The following ACSL5 variants were observed in gnomAD, a reference collection of about 807,000 sequenced individuals.
ACSL5 encodes the protein acyl-CoA synthetase long chain family member 5, also known as long-chain-fatty-acid--CoA ligase 5.
Under a neutral mutation model 84.9 loss-of-function variants are expected in ACSL5, and 50 were observed. The ratio of observed to expected loss-of-function variants is 0.59; its 90% CI spans 0.47 to 0.75. The LOEUF is 0.75. ACSL5 is among the 30% of genes least tolerant of loss of function. The pLI is 0.00. For synonymous variants in ACSL5, 280 were observed against 300.7 expected (o/e 0.93, Z 0.71); for missense variants, 775 against 830.4 (o/e 0.93, Z 0.82).
intron 14 of ACSL5, among the ~76,000 whole-genome samples, chr10:112,419,102 C>CTGTGTGTGTGTGTG (rs57261585): frequency 4.2e-4 from 62 of 146,518 alleles, no homozygotes; most frequent in Middle Eastern, 3.6e-3. Flanking sequence ...CACAATGTAT[C>CTGTGTGTGTGTGTG]TGTGTGTGTG....
At chr10:112,392,328 C>T (rs1396664537) in intron 1 of ACSL5, among the ~76,000 whole-genome samples, 1 of 135,958 alleles carries the variant, frequency 7.4e-6, no homozygotes, top group African/African-American at 2.5e-5. Flanking sequence ...AAGAATTGGC[C>T]AGGTACGGTG....
At chr10:112,391,711 G>T (rs529760688) in intron 1 of ACSL5, among the ~76,000 whole-genome samples, 1 of 152,150 alleles carries the variant, frequency 6.6e-6, no homozygotes, top group Non-Finnish European at 1.5e-5. Flanking sequence ...ATGTGTTCTT[G>T]TTTATCCCAT....
intron 13 of ACSL5, among the ~76,000 whole-genome samples, chr10:112,417,425 C>G (rs140462170): frequency 0.013 from 2,009 of 151,822 alleles, 54 homozygotes; most frequent in African/African-American, 0.046. Flanking sequence ...ATCGCTTGAA[C>G]CCAGGAGGTG....
At chr10:112,378,389 G>A (rs562770595) in intron 1 of ACSL5, among the ~76,000 whole-genome samples, 163 of 151,924 alleles carry the variant, frequency 1.1e-3, no homozygotes, top group African/African-American at 3.7e-3. Context: ...TGGGATTACA[G>A]GCATGCACCA....
At chr10:112,402,644 C>T (rs1589685516) in intron 3 of ACSL5, among the ~76,000 whole-genome samples, 2 of 152,184 alleles carry the variant, frequency 1.3e-5, no homozygotes, top group East Asian at 3.9e-4. Context: ...TTTTATATCT[C>T]TTTAATCAGA....
At chr10:112,416,470 CAA>C (rs35770074) in intron 12 of ACSL5, among the ~76,000 whole-genome samples, 14 of 58,386 alleles carry the variant, frequency 2.4e-4, no homozygotes, top group Admixed American at 8.0e-4. Context: ...GACTCTGTCT[CAA>C]AAAAAAAAAA....
At position 112,421,189 on chromosome 10, in the gene ACSL5, C is replaced by T. The variant is rs189378762; in HGVS notation, c.1315-404C>T. On this transcript the variant is annotated intron_variant, in intron 14 of 20. Coordinates refer to ENST00000354655, the MANE Select transcript of ACSL5 (RefSeq NM_203379.2). ...TTGTTTGTTTTTTGAGACGGAGTCT[C>T]GCTCTGTCACCCAGGCTGGAGTACA... Among the ~76,000 whole-genome samples the T allele has an allele frequency of 3.2e-3, 491 of 152,218 alleles. 3 individuals are homozygous for T. Among genetic ancestry groups the T allele is most frequent in the African/African-American group, 0.011 (451 of 41,538 alleles).
In ACSL5 at chr10:112,387,936, CTTTTTT is replaced by C. The variant is rs35032191; in HGVS notation, c.-29-6968_-29-6963del. ...AGGTAACAGAATGATTTATTTGTTC[CTTTTTT>C]TTTTTTTTTTTTTGGAGACAGAGTC... On this transcript the variant is annotated intron_variant, in intron 1 of 20. Coordinates refer to ENST00000354655, the MANE Select transcript of ACSL5 (RefSeq NM_203379.2). 7.1e-4 allele frequency among the ~76,000 whole-genome samples: 84 copies of C among 118,434 alleles called. No homozygotes were observed. The Middle Eastern group carries it at 0.015, about 22-fold the overall frequency. The allele number at this position is 118,434 out of a possible 152,430, so 77.7% of individuals were successfully genotyped here. A position where few individuals can be genotyped will look rare whatever the true frequency, so the allele number is the denominator to read the frequency against.
intron 3 of ACSL5, among the ~76,000 whole-genome samples, chr10:112,400,435 A>G (rs1589683449): frequency 2.0e-5 from 2 of 98,108 alleles, no homozygotes; most frequent in African/African-American, 4.1e-5. Flanking sequence ...TTTGAGATGG[A>G]GTCTCGCTCT....
At chr10:112,411,410 A>G (rs1427646858) in intron 9 of ACSL5, 46 bp from the exon 10 acceptor site, 1 of 1,511,768 alleles carries the variant, frequency 6.6e-7, no homozygotes, top group Non-Finnish European at 9.2e-7. Context: ...AAGGCTACCT[A>G]TTAGCTACAT....
intron 10 of ACSL5, 27 bp from the exon 11 acceptor site, chr10:112,411,875 C>T (rs775267906): frequency 1.3e-6 from 2 of 1,596,290 alleles, no homozygotes; most frequent in Non-Finnish European, 1.7e-6. Flanking sequence ...CTCATGTTGC[C>T]TCCTCTTACT....
intron 1 of ACSL5, among the ~76,000 whole-genome samples, chr10:112,392,083 A>G (rs1437114973): frequency 6.6e-6 from 1 of 152,226 alleles, no homozygotes; most frequent in African/African-American, 2.4e-5. Flanking sequence ...TCCTTAGTGC[A>G]ACCATTTTTT....
chr10:112,387,302 G>C (rs1440486861), intron 1 of ACSL5, among the ~76,000 whole-genome samples: 2 of 152,208 alleles, frequency 1.3e-5, no homozygotes, highest in African/African-American at 2.4e-5. Context: ...CTTCATCCCA[G>C]GGCTCTGAGG....
At chr10:112,417,794 A>C (rs1428911349) in intron 13 of ACSL5, 52 bp from the exon 14 acceptor site, 10 of 1,486,714 alleles carry the variant, frequency 6.7e-6, no homozygotes, top group Non-Finnish European at 7.5e-6. Flanking sequence ...CAGTGGAGGA[A>C]ATTGAAGCCA....
At chr10:112,416,740 G>T in intron 12 of ACSL5, 148 bp from the exon 13 acceptor site, 1 of 839,402 alleles carries the variant, frequency 1.2e-6, no homozygotes. Flanking sequence ...AATTCTCTGG[G>T]CTCATCATTA....
At chr10:112,410,202 T>A (rs146116695) in intron 7 of ACSL5, 2 of 1,485,968 alleles carry the variant, frequency 1.3e-6, no homozygotes, top group East Asian at 2.7e-5. Flanking sequence ...GGGCCCTAGA[T>A]GACTGAAACT....
chr10:112,376,408 C>T, intron 1 of ACSL5: 1 of 1,614,090 alleles, frequency 6.2e-7, no homozygotes, highest in Non-Finnish European at 8.5e-7. Flanking sequence ...CGGGAAGCCC[C>T]CATTCACTAG....
intron 1 of ACSL5, chr10:112,376,509 G>A: frequency 1.2e-6 from 2 of 1,601,614 alleles, no homozygotes; most frequent in Non-Finnish European, 8.5e-7. Context: ...TGTGACAGAG[G>A]CCAAGGGGGC....
Position 112,427,973 on chromosome 10 carries a change from A to C in ACSL5, c.*615A>C, listed in dbSNP as rs1440809306. On this transcript the variant is annotated 3_prime_UTR_variant, in exon 21 of 21. Coordinates refer to ENST00000354655, the MANE Select transcript of ACSL5 (RefSeq NM_203379.2). ...AGTTTGATCATACCAAACATTTCCT[A>C]AACTCTCTAGTTAGATATCTGACTT... is the stretch of plus-strand genomic sequence containing the variant. 4 of 154,634 alleles carry C rather than the reference A, an allele frequency of 2.6e-5. No homozygotes were observed. In the East Asian group the frequency reaches 7.5e-4, roughly 29 times the overall value. The allele number at this position is 154,634 out of a possible 1,614,324, so 9.6% of individuals were successfully genotyped here. A position where few individuals can be genotyped will look rare whatever the true frequency, so the allele number is the denominator to read the frequency against.
Sources: allele counts gnomAD v4.1 joint callset (sites outside exome capture counted in the v4.1 genomes callset), GRCh38; gene constraint gnomAD v4.1.1; transcripts MANE v1.5; gene names NCBI Gene and HGNC (gene_info 2026-07-23, HGNC 2026-07-21).